The following TMTC1 variants were observed in gnomAD, a reference collection of about 807,000 sequenced individuals.
TMTC1 encodes protein O-mannosyl-transferase TMTC1.
Under a neutral mutation model 104.8 loss-of-function variants are expected in TMTC1, and 73 were observed. The ratio of observed to expected loss-of-function variants is 0.70; its 90% CI spans 0.58 to 0.85. The LOEUF (loss-of-function observed/expected upper bound fraction) is 0.85. Ranked by LOEUF, TMTC1 falls within the 40% of genes least tolerant of loss-of-function variation. The pLI is 0.00. For missense variants in TMTC1, 1,035 were observed against 1,096.1 expected, an observed-to-expected ratio of 0.94 and a Z score of 0.79; for synonymous variants, 434 against 428.7, an observed-to-expected ratio of 1.01 and a Z score of -0.15.
At chr12:29,549,117 T>C (rs2136236196) in intron 10 of TMTC1, among the ~76,000 whole-genome samples, 1 of 149,918 alleles carries the variant, frequency 6.7e-6, no homozygotes, top group African/African-American at 2.4e-5. Context: ...ACAACAGCTT[T>C]ATTCGTAATA....
At chr12:29,559,784 G>C (rs1457625828) in intron 9 of TMTC1, among the ~76,000 whole-genome samples, 1 of 152,152 alleles carries the variant, frequency 6.6e-6, no homozygotes, top group Non-Finnish European at 1.5e-5. Flanking sequence ...CAATACTAAG[G>C]ACCTGCTAGC....
intron 5 of TMTC1, among the ~76,000 whole-genome samples, chr12:29,664,057 G>C (rs1209642878): frequency 2.7e-5 from 4 of 150,372 alleles, no homozygotes; most frequent in South Asian, 4.2e-4. Flanking sequence ...CGTAGTGGCG[G>C]GCGCCTGTAG....
rs145107163 is a variant in TMTC1, at chr12:29,614,403, C to A, written c.1129-10104G>T. On this transcript the variant is annotated intron_variant, in intron 6 of 17. Coordinates refer to ENST00000539277, the MANE Select transcript of TMTC1 (RefSeq NM_001193451.2). The stretch of plus-strand genomic sequence containing the variant: ...TGTTTCCACAAAGATGGTTAAAAGG[C>A]TCTTTACACAAATAATTGACATGAT... Among the ~76,000 whole-genome samples the A allele has an allele frequency of 1.4e-3, 214 of 152,292 alleles. 1 individual carries two copies. The highest frequency in any genetic ancestry group is 4.6e-3 in the African/African-American group (191 of 41,560).
chr12:29,761,103 A>G (rs530133341), intron 2 of TMTC1, among the ~76,000 whole-genome samples: 1 of 148,244 alleles, frequency 6.7e-6, no homozygotes, highest in East Asian at 2.0e-4. Flanking sequence ...TAAACCATAT[A>G]TTGCAATATA....
At chr12:29,658,491 C>T (rs1009345217) in intron 5 of TMTC1, 5 of 152,516 alleles carry the variant, frequency 3.3e-5, no homozygotes, top group African/African-American at 1.2e-4. Context: ...TCATGCATTT[C>T]AGGAAGCTAT....
intron 1 of TMTC1, among the ~76,000 whole-genome samples, chr12:29,775,724 A>T (rs1429279690): frequency 6.6e-6 from 1 of 152,012 alleles, no homozygotes; most frequent in Non-Finnish European, 1.5e-5. Flanking sequence ...CCACACAACA[A>T]TTCAATTTTC....
chr12:29,532,258 G>C (rs767593527), intron 11 of TMTC1, among the ~76,000 whole-genome samples: 1 of 152,038 alleles, frequency 6.6e-6, no homozygotes, highest in Admixed American at 6.6e-5. Context: ...GTACACTGCT[G>C]GTGGCAGAGT....
intron 5 of TMTC1, among the ~76,000 whole-genome samples, chr12:29,693,926 T>C (rs530409139): frequency 3.4e-4 from 52 of 152,352 alleles, no homozygotes; most frequent in African/African-American, 1.1e-3. Context: ...TCATGTAGTA[T>C]ACTCCAGCTT....
At chr12:29,664,241 A>G (rs1940185294) in intron 5 of TMTC1, among the ~76,000 whole-genome samples, 1 of 151,742 alleles carries the variant, frequency 6.6e-6, no homozygotes, top group Non-Finnish European at 1.5e-5. Context: ...ATAAAATAAA[A>G]TAAAATGTAG....
intron 5 of TMTC1, among the ~76,000 whole-genome samples, chr12:29,739,884 T>C (rs980311435): frequency 6.6e-6 from 1 of 152,028 alleles, no homozygotes; most frequent in African/African-American, 2.4e-5. Context: ...AATTTTTGCA[T>C]TCTTAGTAGA....
chr12:29,528,111 C>T (rs946655928), intron 11 of TMTC1, among the ~76,000 whole-genome samples: 1 of 152,296 alleles, frequency 6.6e-6, no homozygotes, highest in Admixed American at 6.5e-5. Flanking sequence ...TAAATTCCGC[C>T]TTCTCTGGAA....
chr12:29,782,608 G>T (rs955955360), intron 1 of TMTC1, among the ~76,000 whole-genome samples: 1 of 152,166 alleles, frequency 6.6e-6, no homozygotes, highest in African/African-American at 2.4e-5. Context: ...TCCCTTAAAT[G>T]AGCACTTCTC....
intron 5 of TMTC1, among the ~76,000 whole-genome samples, chr12:29,710,955 TAA>T (rs1555190474): frequency 6.1e-5 from 4 of 65,766 alleles, no homozygotes; most frequent in Non-Finnish European, 1.5e-4. Context: ...AATATATATA[TAA>T]ATATATTAAT....
chr12:29,536,282 A>T lies in TMTC1; in HGVS notation c.1712T>A (p.Leu571Gln). Residue 571 changes from leucine to glutamine, a missense_variant, in exon 11 of 18, where the codon CTG (leucine) becomes CAG (glutamine). By Grantham distance (113) the Leu-to-Gln change is moderately radical (BLOSUM62 -2). Coordinates refer to ENST00000539277, the MANE Select transcript of TMTC1 (RefSeq NM_001193451.2). ...TGGACCATATTTGATGGAATCCTTC[A>T]GTAAGGTGATAGCTTCTTCCTTTTT... is the stretch of plus-strand genomic sequence containing the variant. Reference protein sequence around the residue: ...QEKKEEAITLLKDSIKYGPEF... With the variant: ...QEKKEEAITLQKDSIKYGPEF... 1 of 1,612,594 alleles carries T rather than the reference A, an allele frequency of 6.2e-7. No individual in the cohort carries two copies. Among genetic ancestry groups the T allele is most frequent in the Non-Finnish European group, 8.5e-7 (1 of 1,179,374 alleles).
chr12:29,713,674 C>T (rs1942000279), intron 5 of TMTC1, among the ~76,000 whole-genome samples: 1 of 152,074 alleles, frequency 6.6e-6, no homozygotes, highest in Non-Finnish European at 1.5e-5. Context: ...CAAATGTTTC[C>T]TTGAAAACTT....
intron 1 of TMTC1, among the ~76,000 whole-genome samples, chr12:29,777,594 C>T (rs573070664): frequency 3.7e-5 from 5 of 133,912 alleles, no homozygotes; most frequent in Non-Finnish European, 6.5e-5. Context: ...TTCTGTCCCT[C>T]CTACACTACC....
At chr12:29,529,725 A>C (rs1042622415) in intron 11 of TMTC1, 1 of 152,180 alleles carries the variant, frequency 6.6e-6, no homozygotes, top group Non-Finnish European at 1.5e-5. Context: ...CATCAGTATG[A>C]GCATTTATGA....
intron 16 of TMTC1, 117 bp downstream of exon 16, chr12:29,514,365 T>C: frequency 9.0e-7 from 1 of 1,114,634 alleles, no homozygotes; most frequent in Non-Finnish European, 1.2e-6. Context: ...ACTCACTCAC[T>C]CCATAAACAT....
chr12:29,572,277 C>A, intron 8 of TMTC1, 59 bp from the exon 9 acceptor site: 1 of 1,365,098 alleles, frequency 7.3e-7, no homozygotes, highest in Non-Finnish European at 1.0e-6. Flanking sequence ...TGTCAGATTC[C>A]TTTATGTTTT....
Sources: gnomAD v4.1 joint callset for allele counts (sites outside exome capture counted in the v4.1 genomes callset) on GRCh38, gnomAD v4.1.1 for gene constraint, MANE v1.5 for transcripts, NCBI Gene and HGNC (gene_info 2026-07-23, HGNC 2026-07-21) for gene names.